C1orf226: variants seen among roughly 807,000 people sequenced by gnomAD.
C1orf226 encodes chromosome 1 open reading frame 226.
C1orf226 carries 4 observed loss-of-function variants against 10.5 expected under a neutral mutation model. That is an observed-to-expected ratio of 0.38 (90% CI 0.19 to 0.87). The LOEUF (loss-of-function observed/expected upper bound fraction) is 0.87. Among genes scored for constraint, C1orf226 ranks in the 40% least tolerant of loss-of-function variants. The pLI is 0.41. For synonymous variants in C1orf226, 125 were observed against 139.3 expected, an observed-to-expected ratio of 0.90 and a Z score of 0.72; for missense variants, 313 against 336.2, an observed-to-expected ratio of 0.93 and a Z score of 0.54.
At position 162,382,199 on chromosome 1, in the gene C1orf226, G is replaced by A. The variant is rs1647941107; in HGVS notation, c.298G>A (p.Ala100Thr). The A allele has an allele frequency of 6.3e-7, 1 of 1,575,114 alleles. No individual in the cohort carries two copies. Among genetic ancestry groups the A allele is most frequent in the African/African-American group, 1.4e-5 (1 of 73,982 alleles). ...LASGTDAAPE[A>T]WLEDERSVLQ... ...CAGTGGGACTGACGCGGCTCCAGAG[G>A]CTTGGCTAGAGGATGAAAGGTGAGC... Residue 100 changes from alanine (A) to threonine (T), a missense_variant, in exon 1 of 2, where the codon GCT (alanine) becomes ACT (threonine). By Grantham distance (58) the Ala-to-Thr change is moderately conservative. Transcript: ENST00000458626.
At chr1:162,379,105 G>C, upstream of C1orf226, 1 of 1,002,730 alleles carries the variant, frequency 1.0e-6, no homozygotes, top group South Asian at 1.5e-5. Flanking sequence ...GTGCATGTTG[G>C]GGGGTACTGT....
At position 162,383,350 on chromosome 1, in the gene C1orf226, C is replaced by T. The variant is rs779925613; in HGVS notation, c.486C>T (p.Ser162=). The T allele has an allele frequency of 1.0e-5, 16 of 1,605,754 alleles. No individual in the cohort carries two copies. The East Asian group carries it at 1.8e-4, about 18-fold the overall frequency. The part of the protein sequence containing the change: ...TEPSPGQAQD[S]APTAQPDVPA... ...CATCACCTGGGCAGGCCCAGGACTC[C>T]GCTCCCACTGCCCAGCCTGACGTCC... Residue 162 remains serine (S), a synonymous_variant, in exon 2 of 2, where the codon TCC becomes TCT. Transcript: ENST00000458626.
rs1451543453 is a variant in C1orf226, at chr1:162,383,616, C to A, written c.752C>A (p.Pro251His). The change falls in exon 2 of 2, where the codon CCT becomes CAT. Residue 251 changes from proline to histidine, a missense_variant. Coordinates refer to ENST00000458626, the MANE Select transcript of C1orf226 (RefSeq NM_001085375.2). ...GAGTCCTGGGAGGATGGCAGCCCCC[C>A]TCCTCAGGCACGGACCTCCAGCCTC... is the stretch of plus-strand genomic sequence containing the variant. ...LAESWEDGSPPPQARTSSLDN... is the reference protein window; with the variant it reads ...LAESWEDGSPHPQARTSSLDN... 6.2e-7 allele frequency: 1 copy of A among 1,608,654 alleles called. No homozygotes were observed. The highest frequency in any genetic ancestry group is 1.3e-5 in the African/African-American group (1 of 74,856).
chr1:162,381,221 C>T (rs116505348), upstream of C1orf226, among the ~76,000 whole-genome samples: 1 of 152,164 alleles, frequency 6.6e-6, no homozygotes, highest in Non-Finnish European at 1.5e-5. Context: ...TACCACCTCC[C>T]TAGGTGGTTG....
At position 162,386,604 on chromosome 1, in the gene C1orf226, G is replaced by A. The variant is rs565163643; in HGVS notation, c.*2921G>A. 8 of 152,360 alleles carry A rather than the reference G, an allele frequency of 5.3e-5. No individual in the cohort carries two copies. In the East Asian group the frequency reaches 1.2e-3, roughly 22 times the overall value. The allele number at this position is 152,360 out of a possible 1,614,324, so 9.4% of individuals were successfully genotyped here. ...GCTGGTGTATCCCCCTGCACAGAGG[G>A]AAGTGTATCTGAATGTTGTGTATGT... is the stretch of plus-strand genomic sequence containing the variant. On this transcript the variant is annotated 3_prime_UTR_variant, in exon 2 of 2. Coordinates refer to ENST00000458626, the MANE Select transcript of C1orf226 (RefSeq NM_001085375.2).
Position 162,383,344 on chromosome 1 carries a change from G to A in C1orf226, c.480G>A (p.Gln160=). Residue 160 remains glutamine, a synonymous_variant, in exon 2 of 2, where the codon CAG becomes CAA. Transcript: ENST00000458626. ...YGTEPSPGQA[Q]DSAPTAQPDV... ...CAGAGCCATCACCTGGGCAGGCCCA[G>A]GACTCCGCTCCCACTGCCCAGCCTG... 1 of 1,607,632 alleles carries A rather than the reference G, an allele frequency of 6.2e-7. No individual in the cohort carries two copies. Among genetic ancestry groups the A allele is most frequent in the East Asian group, 2.2e-5 (1 of 44,616 alleles).
Position 162,382,048 on chromosome 1 carries a change from G to A in C1orf226, c.147G>A (p.Gln49=). The A allele has an allele frequency of 1.2e-6, 2 of 1,609,892 alleles. No homozygotes were observed. Among genetic ancestry groups the A allele is most frequent in the Non-Finnish European group, 1.7e-6 (2 of 1,178,254 alleles). Residue 49 remains glutamine, a synonymous_variant, in exon 1 of 2, where the codon CAG becomes CAA. Transcript: ENST00000458626. ...GGPGLWVGSS[Q]HLKNLGKAMG... is the part of the protein sequence containing the mutation. ...CAGGACTCTGGGTGGGCAGCAGCCA[G>A]CACCTCAAGAACCTGGGCAAAGCCA...
chr1:162,382,952 C>A (rs2101847607), intron 1 of C1orf226, among the ~76,000 whole-genome samples: 1 of 152,320 alleles, frequency 6.6e-6, no homozygotes, highest in East Asian at 1.9e-4. Context: ...TAGAGGCCAG[C>A]ACTTTGTGCT....
In C1orf226 at chr1:162,383,790, T is replaced by C. The variant is rs1250926057; in HGVS notation, c.*107T>C. 2.6e-6 allele frequency: 3 copies of C among 1,133,600 alleles called. No individual in the cohort carries two copies. In the East Asian group the frequency reaches 7.7e-5, roughly 29 times the overall value. The allele number at this position is 1,133,600 out of a possible 1,614,324, so 70.2% of individuals were successfully genotyped here. A position where few individuals can be genotyped will look rare whatever the true frequency, so the allele number is the denominator to read the frequency against. On this transcript the variant is annotated 3_prime_UTR_variant, in exon 2 of 2. Coordinates refer to ENST00000458626, the MANE Select transcript of C1orf226 (RefSeq NM_001085375.2). Reference sequence around the variant, plus strand: ...ACTCCGCTGTGCCCTTTGTCTTCCTTGTATGAGGCACCAGCAGAGAGCCAG... The same window carrying C: ...ACTCCGCTGTGCCCTTTGTCTTCCTCGTATGAGGCACCAGCAGAGAGCCAG...
upstream of C1orf226, chr1:162,379,144 C>A: frequency 1.5e-6 from 1 of 649,118 alleles, no homozygotes; most frequent in South Asian, 1.8e-5. Flanking sequence ...GGGGTCCAGT[C>A]ATCTCTCTGT....
At position 162,381,920 on chromosome 1, in the gene C1orf226, A is replaced by ACTC; in HGVS notation, c.20_21insTCC (p.Thr7_Ala8insPro). ...CCACGGCATGTTTGAGAATTTGAAC[A>ACTC]CAGCCCTCACTCCAAAGCTCCAGGC... On this transcript the variant is annotated inframe_insertion, in exon 1 of 2. Coordinates refer to ENST00000458626, the MANE Select transcript of C1orf226 (RefSeq NM_001085375.2). The ACTC allele has an allele frequency of 1.2e-6, 2 of 1,612,820 alleles. No individual in the cohort carries two copies. The highest frequency in any genetic ancestry group is 2.2e-5 in the South Asian group (2 of 91,066).
chr1:162,386,216 C>T lies in C1orf226; in HGVS notation c.*2533C>T, dbSNP rs1648103886. 2 of 152,334 alleles carry T rather than the reference C, an allele frequency of 1.3e-5. No homozygotes were observed. The highest frequency in any genetic ancestry group is 6.5e-5 in the Admixed American group (1 of 15,288). 9.4% of individuals were successfully genotyped at this position (152,334 alleles called of 1,614,324 possible). A position where few individuals can be genotyped will look rare whatever the true frequency, so the allele number is the denominator to read the frequency against. ...GGGGCTGCCCAAAGCCCAGCAGGAA[C>T]AGCTACTACTCATCCTGCAGAGGCC... On this transcript the variant is annotated 3_prime_UTR_variant, in exon 2 of 2. Transcript: ENST00000458626.
chr1:162,383,754 C>A lies in C1orf226; in HGVS notation c.*71C>A. 6.9e-7 allele frequency: 1 copy of A among 1,450,494 alleles called. No homozygotes were observed. Among genetic ancestry groups the A allele is most frequent in the Non-Finnish European group, 9.2e-7 (1 of 1,092,632 alleles). The allele number at this position is 1,450,494 out of a possible 1,614,324, so 89.9% of individuals were successfully genotyped here. On this transcript the variant is annotated 3_prime_UTR_variant, in exon 2 of 2. Coordinates refer to ENST00000458626, the MANE Select transcript of C1orf226 (RefSeq NM_001085375.2). ...CTTTCTCCTCCACTGCGCACACTGG[C>A]CCTGGCCTCAACTCCGCTGTGCCCT... is the stretch of plus-strand genomic sequence containing the variant.
upstream of C1orf226, chr1:162,381,631 C>G: frequency 8.1e-7 from 1 of 1,240,520 alleles, no homozygotes; most frequent in Non-Finnish European, 1.0e-6. Flanking sequence ...GGCAGGTTTA[C>G]AGGAACAACT....
intron 1 of C1orf226, 50 bp from the exon 2 acceptor site, chr1:162,383,132 G>C: frequency 1.3e-6 from 2 of 1,503,848 alleles, no homozygotes; most frequent in East Asian, 2.3e-5. Flanking sequence ...AGGTGGATTG[G>C]TGTCTTGCTG....
Position 162,383,776 on chromosome 1 carries a change from C to A in C1orf226, c.*93C>A. 1 of 1,303,374 alleles carries A rather than the reference C, an allele frequency of 7.7e-7. No individual in the cohort carries two copies. The highest frequency in any genetic ancestry group is 1.0e-6 in the Non-Finnish European group (1 of 973,402). The allele number at this position is 1,303,374 out of a possible 1,614,324, so 80.7% of individuals were successfully genotyped here. A position where few individuals can be genotyped will look rare whatever the true frequency, so the allele number is the denominator to read the frequency against. On this transcript the variant is annotated 3_prime_UTR_variant, in exon 2 of 2. Coordinates refer to ENST00000458626, the MANE Select transcript of C1orf226 (RefSeq NM_001085375.2). ...TGGCCCTGGCCTCAACTCCGCTGTG[C>A]CCTTTGTCTTCCTTGTATGAGGCAC... is the stretch of plus-strand genomic sequence containing the variant.
chr1:162,383,542 T>C lies in C1orf226; in HGVS notation c.678T>C (p.Leu226=). The change falls in exon 2 of 2, where the codon CTT becomes CTC. Residue 226 remains leucine, a synonymous_variant. Coordinates refer to ENST00000458626, the MANE Select transcript of C1orf226 (RefSeq NM_001085375.2). ...GCAGAAGGGCCTCCTCCCCCAGCCT[T>C]ATCGAGAGGAATGGCTTCAAACTCA... ...TECRRASSPS[L]IERNGFKLSL... is the part of the protein sequence containing the mutation. 2 of 1,606,498 alleles carry C rather than the reference T, an allele frequency of 1.2e-6. No individual in the cohort carries two copies. The highest frequency in any genetic ancestry group is 2.2e-5 in the East Asian group (1 of 44,748).
In C1orf226 at chr1:162,382,216, A is replaced by T. The variant is rs1647941818; in HGVS notation, c.315A>T (p.Glu105Asp). ...CTCCAGAGGCTTGGCTAGAGGATGA[A>T]AGGTGAGCCCCTCACCCGCCCAACA... is the stretch of plus-strand genomic sequence containing the variant. The part of the protein sequence containing the change: ...DAAPEAWLED[E>D]RSVLQETFPR... Residue 105 changes from glutamate (E) to aspartate (D), a missense_variant and splice_region_variant, in exon 1 of 2, where the codon GAA becomes GAT. By Grantham distance (45) the Glu-to-Asp change is conservative. Transcript: ENST00000458626. The T allele has an allele frequency of 6.4e-7, 1 of 1,564,078 alleles. No homozygotes were observed. The highest frequency in any genetic ancestry group is 1.9e-5 in the Admixed American group (1 of 52,052).
intron 1 of C1orf226, 39 bp from the exon 2 acceptor site, chr1:162,383,143 T>G (rs1349379680): frequency 5.3e-6 from 8 of 1,519,274 alleles, no homozygotes; most frequent in Non-Finnish European, 7.1e-6. Context: ...TGTCTTGCTG[T>G]CCTTAAGGCA....
Sources: gnomAD v4.1 joint callset for allele counts (sites outside exome capture counted in the v4.1 genomes callset) on GRCh38, gnomAD v4.1.1 for gene constraint, MANE v1.5 for transcripts, NCBI Gene and HGNC (gene_info 2026-07-23, HGNC 2026-07-21) for gene names.